The following MAP3K3 variants were observed in gnomAD, a reference collection of about 807,000 sequenced individuals.
MAP3K3 encodes the protein mitogen-activated protein kinase kinase kinase 3.
Under a neutral mutation model 80.9 loss-of-function variants are expected in MAP3K3, and 12 were observed. The ratio of observed to expected loss-of-function variants is 0.15; its 90% CI spans 0.10 to 0.24. MAP3K3 has a LOEUF of 0.24. MAP3K3 is among the 10% of genes least tolerant of loss of function. The pLI, the probability that MAP3K3 is intolerant of heterozygous loss-of-function variation, is 1.00. For synonymous variants in MAP3K3, 272 were observed against 307.1 expected, an observed-to-expected ratio of 0.89 and a Z score of 1.19; for missense variants, 596 against 834.7, an observed-to-expected ratio of 0.71 and a Z score of 3.52.
chr17:63,622,691 C>T lies in MAP3K3; in HGVS notation c.-69C>T. 2.4e-6 allele frequency: 1 copy of T among 419,358 alleles called. No homozygotes were observed. The highest frequency in any genetic ancestry group is 1.8e-5 in the South Asian group (1 of 56,674). 26.0% of individuals were successfully genotyped at this position (419,358 alleles called of 1,614,324 possible). On this transcript the variant is annotated 5_prime_UTR_variant, in exon 1 of 16. Transcript: ENST00000361733. ...CGCTGCCGTCCCCGCCGCCCGGGCC[C>T]CCGGCATGCAGCCCCGGCTGCGGAG...
At chr17:63,638,821 C>T (rs189458724) in intron 2 of MAP3K3, among the ~76,000 whole-genome samples, 11 of 152,212 alleles carry the variant, frequency 7.2e-5, no homozygotes, top group East Asian at 1.9e-4. Context: ...CCGAGGCAGG[C>T]GGATCACCTG....
intron 2 of MAP3K3, among the ~76,000 whole-genome samples, chr17:63,642,291 C>T (rs901877338): frequency 1.8e-4 from 28 of 152,262 alleles, no homozygotes; most frequent in Non-Finnish European, 3.1e-4. Flanking sequence ...GGTTATGGCT[C>T]GTTATGAAAT....
At chr17:63,628,879 ATTGATGATAATAATAG>A (rs1247208469) in intron 1 of MAP3K3, among the ~76,000 whole-genome samples, 3 of 152,076 alleles carry the variant, frequency 2.0e-5, no homozygotes, top group Non-Finnish European at 4.4e-5. Context: ...ACCTTTTCTC[ATTGATGATAATAATAG>A]CCAGCATTTT....
At position 63,657,751 on chromosome 17, in the gene MAP3K3, TTC is replaced by T. The variant is rs1449609965; in HGVS notation, c.268-41_268-40del. Reference sequence around the variant, plus strand: ...TGCAAAGTGAAACATTGAGATAAACTTCTGTTTTATATTATTTTCCTTTTCTA... The same window carrying T: ...TGCAAAGTGAAACATTGAGATAAACTTGTTTTATATTATTTTCCTTTTCTA... On this transcript the variant is annotated intron_variant, in intron 4 of 15. Coordinates refer to ENST00000361733, the MANE Select transcript of MAP3K3 (RefSeq NM_002401.5). 7.1e-6 allele frequency: 6 copies of T among 840,978 alleles called. No individual in the cohort carries two copies. The African/African-American group carries it at 1.0e-4, about 14-fold the overall frequency. 52.1% of individuals were successfully genotyped at this position (840,978 alleles called of 1,614,324 possible).
chr17:63,629,013 T>G (rs1029995038), intron 1 of MAP3K3, among the ~76,000 whole-genome samples: 4 of 152,326 alleles, frequency 2.6e-5, no homozygotes, highest in Middle Eastern at 3.4e-3. Flanking sequence ...ATTTTACAGA[T>G]GAGGAAATTG....
chr17:63,642,960 G>A (rs1362639383), intron 2 of MAP3K3, among the ~76,000 whole-genome samples: 1 of 151,402 alleles, frequency 6.6e-6, no homozygotes, highest in Non-Finnish European at 1.5e-5. Context: ...GTTTTGCCAT[G>A]TCGCCCAGAC....
Position 63,689,818 on chromosome 17 carries a change from C to A in MAP3K3, c.1063+83C>A, listed in dbSNP as rs1027934331. On this transcript the variant is annotated intron_variant, in intron 11 of 15. Coordinates refer to ENST00000361733, the MANE Select transcript of MAP3K3 (RefSeq NM_002401.5). The surrounding 1 kb of genome is among the most constrained non-coding windows in gnomAD (Gnocchi z 4.3). ...GGGGCAAACAGCTGGGCCCCTGGGA[C>A]CCTTAGGCTCAGCAGGTGGTGGCTT... The A allele has an allele frequency of 1.5e-6, 2 of 1,372,724 alleles. No individual in the cohort carries two copies. Among genetic ancestry groups the A allele is most frequent in the African/African-American group, 2.9e-5 (2 of 68,998 alleles). 85.0% of individuals were successfully genotyped at this position (1,372,724 alleles called of 1,614,324 possible). A position where few individuals can be genotyped will look rare whatever the true frequency, so the allele number is the denominator to read the frequency against.
intron 6 of MAP3K3, among the ~76,000 whole-genome samples, chr17:63,679,028 C>CA (rs910262339): frequency 2.6e-5 from 4 of 151,124 alleles, no homozygotes; most frequent in Non-Finnish European, 5.9e-5. Flanking sequence ...GACTCCGTCT[C>CA]AAAAAAAAGA....
rs555638540 is a variant in MAP3K3, at chr17:63,630,566, A to G, written c.5-2115A>G. ...GGTCTCGAACTCCTGGGCTCAAGCA[A>G]TCCACCTGCCTCAGCCTCCCAAAGT... On this transcript the variant is annotated intron_variant, in intron 1 of 15. Transcript: ENST00000361733. Among the ~76,000 whole-genome samples the G allele has an allele frequency of 3.3e-5, 5 of 152,178 alleles. No homozygotes were observed. In the South Asian group the frequency reaches 6.2e-4, roughly 19 times the overall value.
intron 2 of MAP3K3, among the ~76,000 whole-genome samples, chr17:63,643,673 G>T (rs968487694): frequency 2.0e-5 from 3 of 152,118 alleles, no homozygotes; most frequent in Non-Finnish European, 4.4e-5. Context: ...CTGGGCTGTA[G>T]GCAGGAACAG....
At chr17:63,632,438 G>A (rs779082692) in intron 1 of MAP3K3, among the ~76,000 whole-genome samples, 3 of 152,182 alleles carry the variant, frequency 2.0e-5, no homozygotes, top group Non-Finnish European at 2.9e-5. Context: ...GCTGCAGTGA[G>A]CTATGATCAC....
intron 2 of MAP3K3, chr17:63,634,614 A>T: frequency 1.0e-6 from 1 of 1,000,414 alleles, no homozygotes; most frequent in East Asian, 2.4e-5. Flanking sequence ...AACAAGAGGT[A>T]CTAGATCTTT....
At chr17:63,680,545 A>C (rs2035308667) in intron 6 of MAP3K3, among the ~76,000 whole-genome samples, 1 of 152,220 alleles carries the variant, frequency 6.6e-6, no homozygotes, top group African/African-American at 2.4e-5. Flanking sequence ...ATGGAAAGCA[A>C]CACAGCCAGT....
At chr17:63,683,068 A>G (rs376890092) in intron 7 of MAP3K3, among the ~76,000 whole-genome samples, 2 of 152,218 alleles carry the variant, frequency 1.3e-5, no homozygotes, top group East Asian at 1.9e-4. Context: ...GCTTTGATGT[A>G]AAAGAAAAGG....
In MAP3K3 at chr17:63,657,920, TG is replaced by T; in HGVS notation, c.381+14del. ...GGACAGAAACCATGTAAGTAGCCCT[TG>T]TCATGGTCTGGCAGCTGAAGACAAA... On this transcript the variant is annotated intron_variant, in intron 5 of 15. Coordinates refer to ENST00000361733, the MANE Select transcript of MAP3K3 (RefSeq NM_002401.5). 1 of 1,412,208 alleles carries T rather than the reference TG, an allele frequency of 7.1e-7. No homozygotes were observed. Among genetic ancestry groups the T allele is most frequent in the Non-Finnish European group, 9.9e-7 (1 of 1,009,908 alleles). 87.5% of individuals were successfully genotyped at this position (1,412,208 alleles called of 1,614,324 possible). A position where few individuals can be genotyped will look rare whatever the true frequency, so the allele number is the denominator to read the frequency against.
chr17:63,629,400 C>G (rs2034171995), intron 1 of MAP3K3, among the ~76,000 whole-genome samples: 1 of 152,194 alleles, frequency 6.6e-6, no homozygotes, highest in African/African-American at 2.4e-5. Context: ...GCTAGAATTA[C>G]AGGCGTGAGC....
At position 63,688,647 on chromosome 17, in the gene MAP3K3, A is replaced by T. The variant is rs2035514061; in HGVS notation, c.778+53A>T. On this transcript the variant is annotated intron_variant, in intron 9 of 15. Transcript: ENST00000361733. ...ATGCAGGGTGTCTGGGTGGGGCCTC[A>T]GGTGGCTCTGCTTCGACTTTTCTGA... The T allele has an allele frequency of 1.9e-6, 3 of 1,555,266 alleles. No homozygotes were observed. The Admixed American group carries it at 5.0e-5, about 26-fold the overall frequency.
intron 12 of MAP3K3, 31 bp downstream of exon 12, chr17:63,690,443 C>T: frequency 3.1e-6 from 5 of 1,603,416 alleles, no homozygotes; most frequent in Non-Finnish European, 3.4e-6. Flanking sequence ...GACTTCAGTT[C>T]CCTCCTTTCA....
Position 63,691,365 on chromosome 17 carries a change from G to A in MAP3K3, c.1344+132G>A, listed in dbSNP as rs936996431. 7.8e-7 allele frequency: 1 copy of A among 1,287,192 alleles called. No homozygotes were observed. Among genetic ancestry groups the A allele is most frequent in the Middle Eastern group, 1.9e-4 (1 of 5,216 alleles). 79.7% of individuals were successfully genotyped at this position (1,287,192 alleles called of 1,614,324 possible). On this transcript the variant is annotated intron_variant, in intron 13 of 15. Transcript: ENST00000361733. The surrounding 1 kb of genome is among the most constrained non-coding windows in gnomAD (Gnocchi z 4.8). ...GGCTCCAGAGGCCCAGAGGAGCAAA[G>A]TGAGGTGATGGTGGGACTTGGAGTC...
Sources: gnomAD v4.1 joint callset for allele counts (sites outside exome capture counted in the v4.1 genomes callset) on GRCh38, gnomAD v4.1.1 for gene constraint, Gnocchi (gnomAD v3.1) non-coding constraint, MANE v1.5 for transcripts, NCBI Gene and HGNC (gene_info 2026-07-23, HGNC 2026-07-21) for gene names.